Variants in CLDN10 observed in about 807,000 individuals in gnomAD.
CLDN10 encodes the protein claudin-10.
In CLDN10, 15 loss-of-function variants were observed where a neutral mutation model predicts 22.9. The ratio of observed to expected loss-of-function variants is 0.65; its 90% CI spans 0.44 to 1.01. CLDN10 has a LOEUF of 1.01. CLDN10 is among the 50% of genes least tolerant of loss of function. The probability of loss-of-function intolerance (pLI) is 0.00; values close to 1 mark genes in which losing one functional copy is unlikely to be tolerated. For missense variants in CLDN10, 247 were observed against 287.8 expected (o/e 0.86, Z 1.03); for synonymous variants, 114 against 111.4 (o/e 1.02, Z -0.15).
At chr13:95,509,347 A>G (rs1023147656) in intron 1 of CLDN10, among the ~76,000 whole-genome samples, 2 of 152,220 alleles carry the variant, frequency 1.3e-5, no homozygotes, top group African/African-American at 4.8e-5. Context: ...TATGAAGACC[A>G]GCCCCTCCCT....
intron 1 of CLDN10, among the ~76,000 whole-genome samples, chr13:95,485,195 C>T (rs899083279): frequency 6.6e-6 from 1 of 152,092 alleles, no homozygotes; most frequent in Non-Finnish European, 1.5e-5. Flanking sequence ...GGGCGAGGTG[C>T]CCCTGGTTCC....
At chr13:95,500,933 G>C (rs555652477) in intron 1 of CLDN10, among the ~76,000 whole-genome samples, 2 of 152,304 alleles carry the variant, frequency 1.3e-5, no homozygotes, top group South Asian at 4.1e-4. Context: ...AGTGGAAGAA[G>C]CAGAGAGGGC....
intron 1 of CLDN10, among the ~76,000 whole-genome samples, chr13:95,507,231 G>A (rs2043047541): frequency 6.6e-6 from 1 of 152,126 alleles, no homozygotes; most frequent in Admixed American, 6.5e-5. Flanking sequence ...TTTTTGAGTT[G>A]GGGGAAGAGT....
At chr13:95,570,687 TA>T in intron 3 of CLDN10, among the ~76,000 whole-genome samples, 1 of 151,874 alleles carries the variant, frequency 6.6e-6, no homozygotes, top group South Asian at 2.1e-4. Context: ...CTTGACTGGA[TA>T]ACAGAGGCAA....
At chr13:95,552,627 C>CTGGGCGGGGTGG, upstream of CLDN10, 1 of 1,216,864 alleles carries the variant, frequency 8.2e-7, no homozygotes, top group Non-Finnish European at 1.1e-6. Flanking sequence ...GCCGGGTCCG[C>CTGGGCGGGGTGG]TGGGCGGGGT....
intron 3 of CLDN10, among the ~76,000 whole-genome samples, chr13:95,561,384 A>G (rs1372798723): frequency 6.6e-6 from 1 of 152,218 alleles, no homozygotes; most frequent in Non-Finnish European, 1.5e-5. Context: ...GTTCTGGCTT[A>G]AGTGTACCTT....
chr13:95,573,029 C>T (rs1211592968), intron 3 of CLDN10, among the ~76,000 whole-genome samples: 2 of 152,190 alleles, frequency 1.3e-5, no homozygotes, highest in African/African-American at 4.8e-5. Context: ...GTTGGTGTAG[C>T]CCTGGCCAGC....
chr13:95,518,071 A>T (rs2043188986), intron 1 of CLDN10, among the ~76,000 whole-genome samples: 1 of 152,144 alleles, frequency 6.6e-6, no homozygotes, highest in Admixed American at 6.6e-5. Context: ...TTTTATAGTG[A>T]TTAAGAAGTC....
intron 1 of CLDN10, among the ~76,000 whole-genome samples, chr13:95,448,849 CG>C (rs2042406292): frequency 6.6e-6 from 1 of 151,456 alleles, no homozygotes; most frequent in Admixed American, 6.6e-5. Context: ...AAGTGATTCT[CG>C]GTCCTCAGCC....
chr13:95,486,221 G>C (rs1196589773), intron 1 of CLDN10, among the ~76,000 whole-genome samples: 1 of 152,110 alleles, frequency 6.6e-6, no homozygotes, highest in Non-Finnish European at 1.5e-5. Flanking sequence ...TGAGTGTTCT[G>C]TCTCCCTCAA....
At chr13:95,527,045 C>G (rs749422834) in intron 1 of CLDN10, among the ~76,000 whole-genome samples, 1 of 152,152 alleles carries the variant, frequency 6.6e-6, no homozygotes, top group African/African-American at 2.4e-5. Flanking sequence ...ATATGAGTGT[C>G]AAACTTCTAA....
At chr13:95,480,167 C>G (rs2042729749) in intron 1 of CLDN10, among the ~76,000 whole-genome samples, 1 of 151,894 alleles carries the variant, frequency 6.6e-6, no homozygotes. Flanking sequence ...CTCACGATCA[C>G]AAAAACAGCA....
At chr13:95,455,630 GA>G (rs1264785948) in intron 1 of CLDN10, among the ~76,000 whole-genome samples, 6 of 152,128 alleles carry the variant, frequency 3.9e-5, no homozygotes, top group Non-Finnish European at 7.4e-5. Flanking sequence ...CTTTATTCAT[GA>G]AAGAACTTAT....
In CLDN10 at chr13:95,552,813, G is replaced by A; in HGVS notation, c.60G>A (p.Leu20=). The A allele has an allele frequency of 6.2e-7, 1 of 1,614,022 alleles. No individual in the cohort carries two copies. Among genetic ancestry groups the A allele is most frequent in the Non-Finnish European group, 8.5e-7 (1 of 1,179,972 alleles). Residue 20 remains leucine (L), a synonymous_variant, in exon 1 of 5, where the codon CTG becomes CTA. Transcript: ENST00000299339. ...TGGTCTCCATCTCAGGCTGGGTACT[G>A]GTGTCCTCCACGCTGCCCACCGACT... ...AFMVSISGWV[L]VSSTLPTDYW... is the part of the protein sequence containing the mutation.
At chr13:95,444,471 G>A (rs1427415617) in intron 1 of CLDN10, among the ~76,000 whole-genome samples, 1 of 152,208 alleles carries the variant, frequency 6.6e-6, no homozygotes, top group African/African-American at 2.4e-5. Flanking sequence ...GGAGGAACAG[G>A]ACAGGGGCAG....
At position 95,552,851 on chromosome 13, in the gene CLDN10, C is replaced by G; in HGVS notation, c.98C>G (p.Ser33Cys). The change falls in exon 1 of 5, where the codon TCT becomes TGT. Residue 33 changes from serine (S) to cysteine (C), a missense_variant. Physicochemically the swap from Ser to Cys is moderately radical, Grantham distance 112. Coordinates refer to ENST00000299339, the MANE Select transcript of CLDN10 (RefSeq NM_006984.5). Reference sequence around the variant, plus strand: ...CTGCCCACCGACTACTGGAAGGTGTCTACCATCGACGGCACGGTCATCACA... The same window carrying G: ...CTGCCCACCGACTACTGGAAGGTGTGTACCATCGACGGCACGGTCATCACA... Reference protein sequence around the residue: ...STLPTDYWKVSTIDGTVITTA... With the variant: ...STLPTDYWKVCTIDGTVITTA... 1.2e-6 allele frequency: 2 copies of G among 1,614,140 alleles called. No individual in the cohort carries two copies. The highest frequency in any genetic ancestry group is 1.7e-6 in the Non-Finnish European group (2 of 1,179,998).
At chr13:95,481,828 T>A (rs2042750016) in intron 1 of CLDN10, among the ~76,000 whole-genome samples, 1 of 152,160 alleles carries the variant, frequency 6.6e-6, no homozygotes, top group Non-Finnish European at 1.5e-5. Flanking sequence ...GAGACCAGCC[T>A]GAGCAACATG....
chr13:95,467,947 T>A (rs1030631323), intron 1 of CLDN10, among the ~76,000 whole-genome samples: 22 of 152,274 alleles, frequency 1.4e-4, no homozygotes, highest in Middle Eastern at 3.4e-3. Flanking sequence ...TTAGGGTGGG[T>A]CAACCTTTTT....
intron 1 of CLDN10, among the ~76,000 whole-genome samples, chr13:95,532,614 T>TC (rs2043355832): frequency 6.6e-6 from 1 of 151,716 alleles, no homozygotes; most frequent in Non-Finnish European, 1.5e-5. Context: ...ACACTTACCC[T>TC]CCCACCCAGT....
Sources: gnomAD v4.1 joint callset for allele counts (sites outside exome capture counted in the v4.1 genomes callset) on GRCh38, gnomAD v4.1.1 for gene constraint, MANE v1.5 for transcripts, NCBI Gene and HGNC (gene_info 2026-07-23, HGNC 2026-07-21) for gene names.